The following CCNB1IP1 variants were observed in gnomAD, a reference collection of about 807,000 sequenced individuals.
The protein encoded by CCNB1IP1 is E3 ubiquitin-protein ligase CCNB1IP1.
Under a neutral mutation model 25.6 loss-of-function variants are expected in CCNB1IP1, and 14 were observed. The ratio of observed to expected loss-of-function variants is 0.55; its 90% CI spans 0.36 to 0.85. The LOEUF is 0.85. Among genes scored for constraint, CCNB1IP1 ranks in the 40% least tolerant of loss-of-function variants. CCNB1IP1 has a pLI of 0.01. For synonymous variants in CCNB1IP1, 119 were observed against 116.1 expected, an observed-to-expected ratio of 1.02 and a Z score of -0.16; for missense variants, 278 against 342.4, an observed-to-expected ratio of 0.81 and a Z score of 1.48.
intron 1 of CCNB1IP1, chr14:20,330,598 C>CT (rs35031847): frequency 0.016 from 2,425 of 147,132 alleles, 40 homozygotes; most frequent in African/African-American, 0.047. Context: ...ATATTGTGTC[C>CT]TTTTTTTTTT....
chr14:20,321,086 G>A (rs921007651), intron 4 of CCNB1IP1, among the ~76,000 whole-genome samples: 9 of 147,586 alleles, frequency 6.1e-5, no homozygotes, highest in Non-Finnish European at 1.0e-4. Flanking sequence ...GCAGTGAGCC[G>A]AGATCACACC....
At chr14:20,314,814 G>A (rs1287354451) in intron 5 of CCNB1IP1, among the ~76,000 whole-genome samples, 5 of 152,046 alleles carry the variant, frequency 3.3e-5, no homozygotes, top group East Asian at 3.9e-4. Flanking sequence ...GAACTCGGCC[G>A]GGCGCGGTGG....
chr14:20,320,468 G>C, intron 4 of CCNB1IP1: 2 of 337,878 alleles, frequency 5.9e-6, no homozygotes, highest in Non-Finnish European at 1.2e-5. Flanking sequence ...CTTTTAGAAT[G>C]ATATTTCATC....
intron 1 of CCNB1IP1, among the ~76,000 whole-genome samples, chr14:20,332,391 T>C (rs571062922): frequency 2.0e-5 from 2 of 100,790 alleles, no homozygotes; most frequent in East Asian, 5.2e-4. Flanking sequence ...ACATTGAAGG[T>C]CACTAAGCAA....
Position 20,311,575 on chromosome 14 carries a change from C to G in CCNB1IP1, c.809G>C (p.Arg270Thr). The G allele has an allele frequency of 6.2e-7, 1 of 1,613,572 alleles. No individual in the cohort carries two copies. Among genetic ancestry groups the G allele is most frequent in the South Asian group, 1.1e-5 (1 of 91,054 alleles). Residue 270 changes from arginine to threonine, a missense_variant, in exon 7 of 7, where the codon AGG becomes ACG. Physicochemically the swap from Arg to Thr is moderately conservative, Grantham distance 71 (BLOSUM62 -1). Transcript: ENST00000358932. The stretch of plus-strand genomic sequence containing the variant: ...TCAAATTCTTTTTACTTTGAAGGCC[C>G]TGCTAGAAACTTGCTGCTGCTCTAA... Reference protein sequence around the residue: ...RELEQQQVSSRAFKVKRI With the variant: ...RELEQQQVSSTAFKVKRI
intron 5 of CCNB1IP1, chr14:20,315,539 A>G (rs1057295828): frequency 1.3e-5 from 16 of 1,230,456 alleles, no homozygotes; most frequent in South Asian, 5.7e-5. Flanking sequence ...CTTAAGAAGT[A>G]TAAGTGTATA....
At chr14:20,316,102 T>C (rs1172978660) in intron 5 of CCNB1IP1, 125 bp downstream of exon 5, 41 of 855,024 alleles carry the variant, frequency 4.8e-5, no homozygotes, top group Non-Finnish European at 6.4e-5. Flanking sequence ...TTGAAAACAA[T>C]TTAATAAAAA....
At chr14:20,333,063 G>C (rs1334231083) in intron 1 of CCNB1IP1, 191 bp downstream of exon 1, 1 of 152,292 alleles carries the variant, frequency 6.6e-6, no homozygotes, top group Non-Finnish European at 1.5e-5. Flanking sequence ...TACTGCAGAG[G>C]CCCACGTGGA....
intron 4 of CCNB1IP1, among the ~76,000 whole-genome samples, chr14:20,323,628 C>T (rs901579937): frequency 6.6e-6 from 1 of 151,398 alleles, no homozygotes; most frequent in Non-Finnish European, 1.5e-5. Context: ...GGAATCATTA[C>T]ATCTAAGTAA....
intron 4 of CCNB1IP1, chr14:20,318,993 C>T (rs1471476508): frequency 3.9e-5 from 6 of 152,254 alleles, no homozygotes; most frequent in Non-Finnish European, 7.3e-5. Context: ...AAACTATTGA[C>T]CTCCAGTGAT....
intron 4 of CCNB1IP1, among the ~76,000 whole-genome samples, chr14:20,325,338 G>A (rs1241610568): frequency 2.7e-5 from 4 of 149,778 alleles, no homozygotes; most frequent in Non-Finnish European, 5.9e-5. Flanking sequence ...GGAGAATGGC[G>A]TGAACCCGGG....
intron 2 of CCNB1IP1, among the ~76,000 whole-genome samples, chr14:20,328,611 C>T (rs952455263): frequency 6.6e-5 from 10 of 152,034 alleles, no homozygotes; most frequent in South Asian, 6.2e-4. Flanking sequence ...AAAAAAACTA[C>T]TTGATCTAAG....
intron 4 of CCNB1IP1, chr14:20,323,120 T>G (rs747352604): frequency 1.8e-4 from 28 of 152,300 alleles, no homozygotes; most frequent in Admixed American, 5.2e-4. Flanking sequence ...CTAGGCTGCT[T>G]CTTTTATTTT....
intron 4 of CCNB1IP1, among the ~76,000 whole-genome samples, chr14:20,325,073 A>C (rs1373714943): frequency 2.7e-5 from 4 of 149,778 alleles, no homozygotes; most frequent in Non-Finnish European, 5.9e-5. Context: ...TCGGCCTCCC[A>C]AAGTGCTAGG....
At chr14:20,324,330 G>A (rs1330978646) in intron 4 of CCNB1IP1, among the ~76,000 whole-genome samples, 3 of 152,100 alleles carry the variant, frequency 2.0e-5, no homozygotes, top group Non-Finnish European at 4.4e-5. Context: ...GGGATTACAG[G>A]TGCACGCCAC....
At chr14:20,317,320 C>G (rs1882737966) in intron 4 of CCNB1IP1, among the ~76,000 whole-genome samples, 1 of 151,942 alleles carries the variant, frequency 6.6e-6, no homozygotes, top group Non-Finnish European at 1.5e-5. Flanking sequence ...GCAGGAGACT[C>G]GTTTGAACCC....
chr14:20,311,642 G>A lies in CCNB1IP1; in HGVS notation c.742C>T (p.Pro248Ser), dbSNP rs1882484609. 1.2e-6 allele frequency: 2 copies of A among 1,614,114 alleles called. No homozygotes were observed. The highest frequency in any genetic ancestry group is 1.7e-6 in the Non-Finnish European group (2 of 1,180,010). ...ACAAAACTAAAAAAGCTGTTGCTGG[G>A]TTCAGGTGCTGTGGGAGAACCCGCA... ...FFAGSPTAPE[P>S]SNSFFSFVSP... is the part of the protein sequence containing the mutation. Residue 248 changes from proline (P) to serine (S), a missense_variant, in exon 7 of 7, where the codon CCC (proline) becomes TCC (serine). Physicochemically the swap from Pro to Ser is moderately conservative, Grantham distance 74. Transcript: ENST00000358932.
At position 20,313,494 on chromosome 14, in the gene CCNB1IP1, T is replaced by C. The variant is rs534679792; in HGVS notation, c.605A>G (p.Gln202Arg). The change falls in exon 6 of 7, where the codon CAG (glutamine) becomes CGG (arginine). Residue 202 changes from glutamine (Q) to arginine (R), a missense_variant. Gln to Arg is a conservative substitution (Grantham distance 43, BLOSUM62 1). Coordinates refer to ENST00000358932, the MANE Select transcript of CCNB1IP1 (RefSeq NM_021178.5). ...EGTLEPSMIA[Q>R]SGVLGFPLGN... ...TAATGGGAAGCCAAGAACACCAGACTGTGCAATCATGGATGGTTCAAGGGT... is the reference window on the plus strand; with the variant it reads ...TAATGGGAAGCCAAGAACACCAGACCGTGCAATCATGGATGGTTCAAGGGT... 38 of 1,597,678 alleles carry C rather than the reference T, an allele frequency of 2.4e-5. No homozygotes were observed. In the South Asian group the frequency reaches 4.2e-4, roughly 18 times the overall value.
At chr14:20,311,797 T>C (rs1481001646) in intron 6 of CCNB1IP1, 45 bp from the exon 7 acceptor site, 1 of 1,254,086 alleles carries the variant, frequency 8.0e-7, no homozygotes, top group South Asian at 1.2e-5. Flanking sequence ...TCATTTGTTA[T>C]CTATATAATC....
Sources: gnomAD v4.1 joint callset for allele counts (sites outside exome capture counted in the v4.1 genomes callset) on GRCh38, gnomAD v4.1.1 for gene constraint, MANE v1.5 for transcripts, NCBI Gene and HGNC (gene_info 2026-07-23, HGNC 2026-07-21) for gene names.